Variants in ACTN2 observed in about 807,000 individuals in gnomAD.
ACTN2 encodes actinin alpha 2, also known as alpha-actinin-2.
ACTN2 carries 39 observed loss-of-function variants against 113.8 expected under a neutral mutation model. The observed-to-expected ratio is 0.34, with a 90% CI of 0.27 to 0.45. The LOEUF (loss-of-function observed/expected upper bound fraction) is 0.45, where lower values mean the gene tolerates loss of function less well. Among genes scored for constraint, ACTN2 ranks in the 20% least tolerant of loss-of-function variants. The pLI is 1.00. For synonymous variants in ACTN2, 429 were observed against 444.1 expected, an observed-to-expected ratio of 0.97 and a Z score of 0.43; for missense variants, 992 against 1,177.9, an observed-to-expected ratio of 0.84 and a Z score of 2.31.
chr1:236,735,062 C>T (rs1041422412), intron 7 of ACTN2, among the ~76,000 whole-genome samples: 6 of 152,056 alleles, frequency 3.9e-5, no homozygotes, highest in African/African-American at 2.4e-5. Context: ...TTTCTATAAG[C>T]GGTATGGTAA....
intron 1 of ACTN2, among the ~76,000 whole-genome samples, chr1:236,708,582 C>T (rs1657903801): frequency 6.6e-6 from 1 of 152,148 alleles, no homozygotes; most frequent in Non-Finnish European, 1.5e-5. Context: ...AAACGTTTTT[C>T]AAGACGGTTG....
At chr1:236,744,818 T>C in intron 12 of ACTN2, 42 bp downstream of exon 12, 2 of 1,613,124 alleles carry the variant, frequency 1.2e-6, no homozygotes, top group Non-Finnish European at 1.7e-6. Flanking sequence ...GCCCCTGGGA[T>C]TCCACAGAGA....
chr1:236,710,270 G>T (rs554566909), intron 1 of ACTN2, among the ~76,000 whole-genome samples: 9 of 152,338 alleles, frequency 5.9e-5, no homozygotes, highest in African/African-American at 1.9e-4. Flanking sequence ...TTGATATGAT[G>T]TAGGCTTCAT....
intron 1 of ACTN2, among the ~76,000 whole-genome samples, chr1:236,687,205 C>G (rs917561170): frequency 6.6e-6 from 1 of 152,140 alleles, no homozygotes; most frequent in Non-Finnish European, 1.5e-5. Flanking sequence ...AAAAGAACAT[C>G]AGCTTCATTG....
At chr1:236,691,270 A>G (rs769381380) in intron 1 of ACTN2, among the ~76,000 whole-genome samples, 37 of 151,752 alleles carry the variant, frequency 2.4e-4, no homozygotes, top group Non-Finnish European at 3.5e-4. Flanking sequence ...TAGGATTTAT[A>G]TACTGGAACA....
chr1:236,744,861 C>G, intron 12 of ACTN2, 85 bp downstream of exon 12: 1 of 1,590,710 alleles, frequency 6.3e-7, no homozygotes. Flanking sequence ...CCTTTCCTGA[C>G]TAAACGCAGA....
chr1:236,746,885 G>A (rs770819965), intron 12 of ACTN2, among the ~76,000 whole-genome samples: 16 of 152,102 alleles, frequency 1.1e-4, no homozygotes, highest in South Asian at 4.1e-4. Context: ...GGCTCAGTTC[G>A]GCCCCATTTC....
At chr1:236,709,255 T>TATATATACAC (rs796606511) in intron 1 of ACTN2, among the ~76,000 whole-genome samples, 9 of 68,904 alleles carry the variant, frequency 1.3e-4, no homozygotes, top group African/African-American at 2.1e-4. Context: ...TATATATATA[T>TATATATACAC]ACACACACAC....
intron 1 of ACTN2, among the ~76,000 whole-genome samples, chr1:236,709,648 G>T (rs1343970717): frequency 2.6e-5 from 4 of 152,026 alleles, no homozygotes; most frequent in Non-Finnish European, 5.9e-5. Context: ...GAAAGGAAAT[G>T]ATATGCAACT....
chr1:236,748,902 G>A (rs79183693), intron 13 of ACTN2, among the ~76,000 whole-genome samples: 22 of 152,272 alleles, frequency 1.4e-4, no homozygotes, highest in Non-Finnish European at 2.8e-4. Flanking sequence ...TAAAAATGAG[G>A]CTGCTCTGGA....
At chr1:236,689,309 A>G (rs1665985928) in intron 1 of ACTN2, among the ~76,000 whole-genome samples, 1 of 29,254 alleles carries the variant, frequency 3.4e-5, no homozygotes, top group Non-Finnish European at 7.5e-5. Context: ...TGATATATAT[A>G]TATATATATA....
At chr1:236,686,940 C>T in intron 1 of ACTN2, 141 bp downstream of exon 1, 1 of 994,710 alleles carries the variant, frequency 1.0e-6, no homozygotes, top group Non-Finnish European at 1.3e-6. Flanking sequence ...CTCGCAGCCC[C>T]GGGGGCCCCT....
chr1:236,738,632 A>G (rs866525929), intron 9 of ACTN2, among the ~76,000 whole-genome samples: 88 of 152,302 alleles, frequency 5.8e-4, no homozygotes, highest in African/African-American at 2.1e-3. Flanking sequence ...ATCTGCTGTC[A>G]TTTTCCAAGT....
chr1:236,734,319 G>A, intron 7 of ACTN2: 1 of 667,862 alleles, frequency 1.5e-6, no homozygotes, highest in Non-Finnish European at 2.5e-6. Flanking sequence ...AGGAACATAA[G>A]TGTATGGGGG....
At chr1:236,721,015 G>GGGTTTTTTT in intron 4 of ACTN2, among the ~76,000 whole-genome samples, 6 of 49,136 alleles carry the variant, frequency 1.2e-4, no homozygotes, top group Non-Finnish European at 2.0e-4. Flanking sequence ...TCTGGTTTTT[G>GGGTTTTTTT]TTTTTTGTTT....
chr1:236,746,106 C>T (rs1376698177), intron 12 of ACTN2, among the ~76,000 whole-genome samples: 1 of 136,556 alleles, frequency 7.3e-6, no homozygotes, highest in Non-Finnish European at 1.5e-5. Flanking sequence ...GCGGAACTTG[C>T]AGTGAGCCGA....
At chr1:236,695,853 G>A (rs960088629) in intron 1 of ACTN2, among the ~76,000 whole-genome samples, 1 of 152,010 alleles carries the variant, frequency 6.6e-6, no homozygotes, top group Non-Finnish European at 1.5e-5. Context: ...TTTGCTAGGG[G>A]GTAAATGTGT....
At position 236,749,280 on chromosome 1, in the gene ACTN2, C is replaced by G; in HGVS notation, c.1656+16C>G. On this transcript the variant is annotated intron_variant, in intron 14 of 20. Coordinates refer to ENST00000366578, the MANE Select transcript of ACTN2 (RefSeq NM_001103.4). ...GGAGATCCAGGTAATGGAACCGCAACTCTGTATGCCCTATGCATTAGAAGT... is the reference window on the plus strand; with the variant it reads ...GGAGATCCAGGTAATGGAACCGCAAGTCTGTATGCCCTATGCATTAGAAGT... The G allele has an allele frequency of 6.2e-7, 1 of 1,614,062 alleles. No individual in the cohort carries two copies. Among genetic ancestry groups the G allele is most frequent in the South Asian group, 1.1e-5 (1 of 91,074 alleles).
chr1:236,748,118 A>G (rs948127410), intron 13 of ACTN2: 1 of 330,052 alleles, frequency 3.0e-6, no homozygotes, highest in Non-Finnish European at 5.8e-6. Flanking sequence ...GAAATCAGAG[A>G]TGTGCAAAGG....
Sources: gnomAD v4.1 joint callset for allele counts (sites outside exome capture counted in the v4.1 genomes callset) on GRCh38, gnomAD v4.1.1 for gene constraint, MANE v1.5 for transcripts, NCBI Gene and HGNC (gene_info 2026-07-23, HGNC 2026-07-21) for gene names.